GRAMD2B: variants seen among roughly 807,000 people sequenced by gnomAD.
The protein encoded by GRAMD2B is GRAM domain-containing protein 2B.
Under a neutral mutation model 59.2 loss-of-function variants are expected in GRAMD2B, and 41 were observed. The observed-to-expected ratio is 0.69, with a 90% CI of 0.54 to 0.90. The LOEUF (loss-of-function observed/expected upper bound fraction) is 0.90, where lower values mean the gene tolerates loss of function less well. GRAMD2B is among the 40% of genes least tolerant of loss of function. GRAMD2B has a pLI of 0.00. For synonymous variants in GRAMD2B, 161 were observed against 182.7 expected (o/e 0.88, Z 0.96); for missense variants, 424 against 500.5 (o/e 0.85, Z 1.46).
At chr5:126,406,772 G>A (rs1758300629) in intron 1 of GRAMD2B, among the ~76,000 whole-genome samples, 2 of 151,958 alleles carry the variant, frequency 1.3e-5, no homozygotes, top group African/African-American at 4.8e-5. Flanking sequence ...GGTTTTTACT[G>A]TGGAAGAGTC....
At chr5:126,465,259 G>T in intron 1 of GRAMD2B, 167 bp from the exon 2 acceptor site, 1 of 1,456,634 alleles carries the variant, frequency 6.9e-7, no homozygotes, top group East Asian at 2.5e-5. Context: ...CACCAGGCAA[G>T]GGGTTAGAAT....
chr5:126,401,571 TC>T (rs1336673132), intron 1 of GRAMD2B, among the ~76,000 whole-genome samples: 1 of 152,012 alleles, frequency 6.6e-6, no homozygotes, highest in Non-Finnish European at 1.5e-5. Flanking sequence ...AGTTAGCTCC[TC>T]CAGTCTTTAC....
intron 11 of GRAMD2B, among the ~76,000 whole-genome samples, chr5:126,486,547 AG>A (rs1312254152): frequency 6.6e-6 from 1 of 152,172 alleles, no homozygotes; most frequent in Non-Finnish European, 1.5e-5. Context: ...AGATCTGCCC[AG>A]GCTCTTCTGG....
chr5:126,486,777 C>G (rs1266230514), intron 11 of GRAMD2B, 96 bp from the exon 12 acceptor site: 6 of 665,392 alleles, frequency 9.0e-6, no homozygotes, highest in Non-Finnish European at 1.3e-5. Context: ...TGGAAAATAC[C>G]TTGCCTCGGG....
chr5:126,462,354 C>T (rs1767524999), intron 1 of GRAMD2B: 1 of 924,300 alleles, frequency 1.1e-6, no homozygotes, highest in Non-Finnish European at 1.3e-6. Context: ...CATTCCATTT[C>T]CCCTCCCACG....
chr5:126,385,496 G>T (rs746917886), intron 1 of GRAMD2B, among the ~76,000 whole-genome samples: 1 of 152,152 alleles, frequency 6.6e-6, no homozygotes, highest in Non-Finnish European at 1.5e-5. Context: ...ATAGGAAAGA[G>T]ATAACCATTT....
At chr5:126,448,103 G>A (rs910544775) in intron 1 of GRAMD2B, among the ~76,000 whole-genome samples, 34 of 152,116 alleles carry the variant, frequency 2.2e-4, no homozygotes, top group South Asian at 1.7e-3. Context: ...TAACCCACCC[G>A]CCTCAGCCTC....
At chr5:126,364,296 G>A (rs1754345349) in intron 1 of GRAMD2B, among the ~76,000 whole-genome samples, 1 of 152,124 alleles carries the variant, frequency 6.6e-6, no homozygotes, top group Non-Finnish European at 1.5e-5. Flanking sequence ...AGTATGTACT[G>A]AGTCTGGATC....
chr5:126,385,213 G>T (rs530402722), intron 1 of GRAMD2B, among the ~76,000 whole-genome samples: 7 of 152,014 alleles, frequency 4.6e-5, no homozygotes, highest in Non-Finnish European at 1.0e-4. Flanking sequence ...AAATTATACC[G>T]CAGGCCTTAT....
intron 1 of GRAMD2B, among the ~76,000 whole-genome samples, chr5:126,363,845 T>A (rs6891994): frequency 2.0e-5 from 3 of 151,928 alleles, no homozygotes; most frequent in Non-Finnish European, 4.4e-5. Flanking sequence ...GGGCAGGGAC[T>A]GCTCTTGGGT....
rs139372222 is a variant in GRAMD2B, at chr5:126,456,606, C to T, written c.84-8820C>T. Among the ~76,000 whole-genome samples the T allele has an allele frequency of 3.5e-3, 531 of 152,240 alleles. 1 individual carries two copies. Among genetic ancestry groups the T allele is most frequent in the African/African-American group, 0.012 (502 of 41,512 alleles). On this transcript the variant is annotated intron_variant, in intron 1 of 13. Coordinates refer to ENST00000285689, the MANE Select transcript of GRAMD2B (RefSeq NM_023927.4). ...CTCTTTTTGTTTATCAGTATTAAAC[C>T]TTATCTCTCAACTTCCTGTTTTGAT...
chr5:126,485,926 T>G (rs1405999882), intron 11 of GRAMD2B, among the ~76,000 whole-genome samples, 153 bp downstream of exon 11: 2 of 152,210 alleles, frequency 1.3e-5, no homozygotes, highest in African/African-American at 4.8e-5. Flanking sequence ...CTACTTCAGG[T>G]TTTTTTCCTT....
At chr5:126,394,404 C>G (rs1161277347) in intron 1 of GRAMD2B, among the ~76,000 whole-genome samples, 5 of 152,060 alleles carry the variant, frequency 3.3e-5, no homozygotes, top group Non-Finnish European at 2.9e-5. Context: ...TAGAGTAAAT[C>G]TACATGACCT....
chr5:126,443,530 C>T (rs1040675562), intron 1 of GRAMD2B, among the ~76,000 whole-genome samples: 17 of 152,286 alleles, frequency 1.1e-4, no homozygotes, highest in African/African-American at 3.6e-4. Context: ...CAGAGTCCTC[C>T]CACATCCTCT....
intron 1 of GRAMD2B, among the ~76,000 whole-genome samples, chr5:126,383,749 C>A (rs1320817808): frequency 6.6e-6 from 1 of 152,184 alleles, no homozygotes; most frequent in African/African-American, 2.4e-5. Flanking sequence ...AGCTTGGCTT[C>A]AAATTATTTG....
intron 1 of GRAMD2B, among the ~76,000 whole-genome samples, chr5:126,441,479 G>A (rs569289996): frequency 6.6e-6 from 1 of 152,308 alleles, no homozygotes; most frequent in Non-Finnish European, 1.5e-5. Flanking sequence ...CCTTCACACT[G>A]TTTCAGTGGT....
chr5:126,483,529 T>C lies in GRAMD2B; in HGVS notation c.802T>C (p.Tyr268His), dbSNP rs1447796879. ...ACAAAGAAGGCAAGACATGGAAGGATATAGCAGTTCTGGTTCTCAAACTCC... is the reference window on the plus strand; with the variant it reads ...ACAAAGAAGGCAAGACATGGAAGGACATAGCAGTTCTGGTTCTCAAACTCC... ...VQQRRQDMEG[Y>H]SSSGSQTPES... Residue 268 changes from tyrosine to histidine, a missense_variant, in exon 9 of 14, where the codon TAT becomes CAT. Transcript: ENST00000285689. The C allele has an allele frequency of 1.9e-6, 3 of 1,612,956 alleles. No homozygotes were observed. The highest frequency in any genetic ancestry group is 2.5e-6 in the Non-Finnish European group (3 of 1,179,160).
At chr5:126,397,167 G>A (rs562245319) in intron 1 of GRAMD2B, among the ~76,000 whole-genome samples, 9 of 152,218 alleles carry the variant, frequency 5.9e-5, no homozygotes, top group East Asian at 3.9e-4. Flanking sequence ...AAGGGAAAGC[G>A]TTCAGTTTTT....
intron 1 of GRAMD2B, among the ~76,000 whole-genome samples, chr5:126,449,120 A>G (rs900964842): frequency 5.9e-5 from 9 of 152,238 alleles, no homozygotes; most frequent in Non-Finnish European, 1.3e-4. Flanking sequence ...GGTGGGAGAA[A>G]TTAAGGACAG....
Sources: gnomAD v4.1 joint callset for allele counts (sites outside exome capture counted in the v4.1 genomes callset) on GRCh38, gnomAD v4.1.1 for gene constraint, MANE v1.5 for transcripts, NCBI Gene and HGNC (gene_info 2026-07-23, HGNC 2026-07-21) for gene names.